Variants in TRAPPC8 observed in about 807,000 individuals in gnomAD.
TRAPPC8 encodes the protein general sporulation gene 1 homolog.
TRAPPC8 carries 54 observed loss-of-function variants against 174.3 expected under a neutral mutation model. The observed-to-expected ratio is 0.31, with a 90% CI of 0.25 to 0.39. The LOEUF is 0.39. Ranked by LOEUF, TRAPPC8 falls within the 10% of genes least tolerant of loss-of-function variation. TRAPPC8 has a pLI of 1.00. For synonymous variants in TRAPPC8, 630 were observed against 579.9 expected (o/e 1.09, Z -1.24); for missense variants, 1,531 against 1,699.1 (o/e 0.90, Z 1.74).
intron 2 of TRAPPC8, among the ~76,000 whole-genome samples, chr18:31,924,552 G>C (rs568946598): frequency 5.6e-4 from 85 of 151,402 alleles, no homozygotes; most frequent in African/African-American, 1.9e-3. Context: ...CTTGAGTCCA[G>C]GAGTTCAAGA....
chr18:31,942,291 G>A (rs1210729481), intron 1 of TRAPPC8, among the ~76,000 whole-genome samples: 11 of 152,160 alleles, frequency 7.2e-5, no homozygotes, highest in Admixed American at 7.2e-4. Flanking sequence ...TAATTCCTTC[G>A]CTATGGCCGT....
At position 31,849,666 on chromosome 18, in the gene TRAPPC8, G is replaced by T; in HGVS notation, c.3635C>A (p.Ala1212Asp). 1 of 1,612,766 alleles carries T rather than the reference G, an allele frequency of 6.2e-7. No homozygotes were observed. The change falls in exon 25 of 29, where the codon GCT becomes GAT. Residue 1212 changes from alanine to aspartate, a missense_variant. Ala to Asp is a moderately radical substitution (Grantham distance 126). Coordinates refer to ENST00000283351, the MANE Select transcript of TRAPPC8 (RefSeq NM_014939.5). ...TTTTTCTGTATGCACAGGCAAGTGA[G>T]CTTGTGGTTTTTTCAATTCAGAAGA... ...SLSSELKKPQ[A>D]HLPVHTEKQS...
chr18:31,912,186 G>T (rs1221608128), intron 5 of TRAPPC8, among the ~76,000 whole-genome samples: 1 of 152,046 alleles, frequency 6.6e-6, no homozygotes, highest in South Asian at 2.1e-4. Flanking sequence ...GGCTATAAAA[G>T]CATGTTAAAA....
chr18:31,842,060 G>C (rs2033131272), intron 26 of TRAPPC8, among the ~76,000 whole-genome samples: 1 of 152,090 alleles, frequency 6.6e-6, no homozygotes, highest in East Asian at 1.9e-4. Context: ...AGGAAATTTA[G>C]ATTGGTCAAT....
intron 19 of TRAPPC8, among the ~76,000 whole-genome samples, chr18:31,862,095 C>T (rs909994804): frequency 1.3e-5 from 2 of 152,022 alleles, no homozygotes; most frequent in Non-Finnish European, 2.9e-5. Flanking sequence ...TTTTTAGAAA[C>T]GTAATTCCAA....
intron 10 of TRAPPC8, among the ~76,000 whole-genome samples, chr18:31,898,131 TATA>T (rs1032066825): frequency 2.6e-5 from 4 of 152,084 alleles, no homozygotes; most frequent in African/African-American, 9.6e-5. Flanking sequence ...CTATATTACT[TATA>T]ATACCTACTA....
intron 5 of TRAPPC8, among the ~76,000 whole-genome samples, chr18:31,909,962 A>G (rs966755126): frequency 1.3e-5 from 2 of 152,118 alleles, no homozygotes; most frequent in African/African-American, 4.8e-5. Flanking sequence ...CTATATTCTT[A>G]AATCCCCTTT....
intron 19 of TRAPPC8, among the ~76,000 whole-genome samples, chr18:31,864,229 G>A (rs902749754): frequency 1.1e-4 from 17 of 151,652 alleles, no homozygotes; most frequent in African/African-American, 3.6e-4. Flanking sequence ...GATAGGATGG[G>A]ATAAGAAGGT....
At position 31,847,829 on chromosome 18, in the gene TRAPPC8, C is replaced by A. The variant is rs549686678; in HGVS notation, c.3736-1012G>T. Among the ~76,000 whole-genome samples the A allele has an allele frequency of 6.6e-5, 10 of 152,196 alleles. No individual in the cohort carries two copies. The South Asian group carries it at 1.7e-3, about 25-fold the overall frequency. On this transcript the variant is annotated intron_variant, in intron 25 of 28. Coordinates refer to ENST00000283351, the MANE Select transcript of TRAPPC8 (RefSeq NM_014939.5). ...CAGTCACCCATAGCCATGGCTAATTCTATAATGCATCCTCCTGCTTGTGCA... is the reference window on the plus strand; with the variant it reads ...CAGTCACCCATAGCCATGGCTAATTATATAATGCATCCTCCTGCTTGTGCA...
At chr18:31,922,454 T>G (rs934545825) in intron 2 of TRAPPC8, among the ~76,000 whole-genome samples, 1 of 150,788 alleles carries the variant, frequency 6.6e-6, no homozygotes, top group Admixed American at 6.6e-5. Context: ...TAGTCGGGAG[T>G]GGGACATGAG....
intron 3 of TRAPPC8, among the ~76,000 whole-genome samples, chr18:31,916,815 T>C (rs1043795747): frequency 7.2e-6 from 1 of 138,612 alleles, no homozygotes; most frequent in Admixed American, 8.2e-5. Context: ...ATTATAGGCA[T>C]GAGCCACCGT....
chr18:31,857,474 T>C (rs1188096278), intron 20 of TRAPPC8, 66 bp downstream of exon 20: 16 of 1,266,634 alleles, frequency 1.3e-5, no homozygotes, highest in Middle Eastern at 4.6e-4. Context: ...TATCAAAATG[T>C]TTATCTGAAT....
intron 9 of TRAPPC8, among the ~76,000 whole-genome samples, chr18:31,907,037 C>T (rs2036690229): frequency 6.6e-6 from 1 of 152,042 alleles, no homozygotes; most frequent in South Asian, 2.1e-4. Flanking sequence ...AAATGAAATA[C>T]AATTCTGAAA....
chr18:31,867,851 C>G (rs891952913), intron 16 of TRAPPC8, among the ~76,000 whole-genome samples: 6 of 151,922 alleles, frequency 3.9e-5, no homozygotes, highest in African/African-American at 1.5e-4. Flanking sequence ...TGCACTCCAG[C>G]CTGGGTGACA....
intron 12 of TRAPPC8, among the ~76,000 whole-genome samples, chr18:31,890,488 G>A (rs2035906447): frequency 6.6e-6 from 1 of 151,928 alleles, no homozygotes; most frequent in Admixed American, 6.6e-5. Context: ...ACCAAAATTT[G>A]GATAAAATTA....
chr18:31,864,245 TAGGAAGA>T (rs1228440954), intron 19 of TRAPPC8, among the ~76,000 whole-genome samples: 1 of 151,804 alleles, frequency 6.6e-6, no homozygotes, highest in Non-Finnish European at 1.5e-5. Flanking sequence ...AAGGTGAAGA[TAGGAAGA>T]AGGTGAAATA....
intron 9 of TRAPPC8, among the ~76,000 whole-genome samples, chr18:31,903,160 G>GA (rs1482408518): frequency 1.3e-5 from 2 of 151,744 alleles, no homozygotes; most frequent in Non-Finnish European, 2.9e-5. Flanking sequence ...TGTGACACTG[G>GA]AAGTGGCAAC....
At chr18:31,896,755 C>G (rs1341472483) in intron 11 of TRAPPC8, among the ~76,000 whole-genome samples, 1 of 152,144 alleles carries the variant, frequency 6.6e-6, no homozygotes, top group East Asian at 1.9e-4. Context: ...TCCTGAGTAG[C>G]TGAGATTACA....
chr18:31,854,900 A>G (rs1249930482), intron 21 of TRAPPC8, among the ~76,000 whole-genome samples: 1 of 135,280 alleles, frequency 7.4e-6, no homozygotes, highest in African/African-American at 2.8e-5. Flanking sequence ...CGGGAGGTGG[A>G]GCTTGCAGTG....
Sources: gnomAD v4.1 joint callset for allele counts (sites outside exome capture counted in the v4.1 genomes callset) on GRCh38, gnomAD v4.1.1 for gene constraint, MANE v1.5 for transcripts, NCBI Gene and HGNC (gene_info 2026-07-23, HGNC 2026-07-21) for gene names.